CNTNAP5: variants seen among roughly 807,000 people sequenced by gnomAD.
CNTNAP5 encodes contactin-associated protein-like 5.
Under a neutral mutation model 150.2 loss-of-function variants are expected in CNTNAP5, and 72 were observed. The observed-to-expected ratio is 0.48, with a 90% CI of 0.40 to 0.58. CNTNAP5 has a LOEUF of 0.58. Among genes scored for constraint, CNTNAP5 ranks in the 20% least tolerant of loss-of-function variants. CNTNAP5 has a pLI of 0.00. For missense variants in CNTNAP5, 1,636 were observed against 1,626.2 expected (o/e 1.01, Z -0.10); for synonymous variants, 672 against 619.8 (o/e 1.08, Z -1.25).
At chr2:124,855,843 A>G (rs1354199354) in intron 19 of CNTNAP5, among the ~76,000 whole-genome samples, 1 of 152,098 alleles carries the variant, frequency 6.6e-6, no homozygotes, top group Non-Finnish European at 1.5e-5. Context: ...CCCAATTTAT[A>G]GTCTTTTATC....
At chr2:124,334,104 G>A (rs1379901076) in intron 3 of CNTNAP5, among the ~76,000 whole-genome samples, 1 of 152,112 alleles carries the variant, frequency 6.6e-6, no homozygotes, top group African/African-American at 2.4e-5. Flanking sequence ...GGGGCTCCAT[G>A]AGGAAGGCTG....
Position 124,162,825 on chromosome 2 carries a change from G to A in CNTNAP5, c.83-58880G>A, listed in dbSNP as rs116658849. ...AATAATGGCAAGCACATCATAGAAT[G>A]TATTTCAAGGCATGTTTTTTATGCA... On this transcript the variant is annotated intron_variant, in intron 1 of 23. Transcript: ENST00000682447. Among the ~76,000 whole-genome samples, 511 of 150,686 alleles carry A rather than the reference G, an allele frequency of 3.4e-3. 5 individuals are homozygous for A. Among genetic ancestry groups the A allele is most frequent in the African/African-American group, 0.011 (475 of 41,408 alleles).
intron 1 of CNTNAP5, among the ~76,000 whole-genome samples, chr2:124,115,581 G>T (rs999567876): frequency 7.9e-5 from 12 of 151,524 alleles, no homozygotes; most frequent in African/African-American, 2.9e-4. Flanking sequence ...GGTGTAACAC[G>T]ATGAAACTAG....
At chr2:124,577,027 AACGG>A (rs1251446072) in intron 11 of CNTNAP5, among the ~76,000 whole-genome samples, 1 of 152,188 alleles carries the variant, frequency 6.6e-6, no homozygotes, top group African/African-American at 2.4e-5. Context: ...ATGCTCTAGA[AACGG>A]ACTGATAAAT....
At chr2:124,139,233 T>C (rs575658827) in intron 1 of CNTNAP5, among the ~76,000 whole-genome samples, 1 of 150,756 alleles carries the variant, frequency 6.6e-6, no homozygotes, top group Non-Finnish European at 1.5e-5. Context: ...AAATGAAGTA[T>C]TTAATATAAA....
intron 3 of CNTNAP5, among the ~76,000 whole-genome samples, chr2:124,286,906 C>T (rs1056818305): frequency 6.6e-6 from 1 of 152,122 alleles, no homozygotes; most frequent in Non-Finnish European, 1.5e-5. Flanking sequence ...GTAAAGAAGT[C>T]GAGGTCACAA....
At chr2:124,882,457 A>G (rs1208967197) in intron 21 of CNTNAP5, among the ~76,000 whole-genome samples, 1 of 152,128 alleles carries the variant, frequency 6.6e-6, no homozygotes, top group African/African-American at 2.4e-5. Flanking sequence ...TGGAACTTGT[A>G]TTCAAAGGGC....
chr2:124,354,138 C>T (rs970760543), intron 3 of CNTNAP5, among the ~76,000 whole-genome samples: 4 of 152,116 alleles, frequency 2.6e-5, no homozygotes, highest in Non-Finnish European at 4.4e-5. Flanking sequence ...AAACAAAAAA[C>T]ATGGATTAAA....
chr2:124,484,773 G>A (rs1693834640), intron 7 of CNTNAP5, among the ~76,000 whole-genome samples: 2 of 152,136 alleles, frequency 1.3e-5, no homozygotes, highest in South Asian at 4.1e-4. Context: ...ACCCCTTTAA[G>A]AATGTAATGA....
intron 3 of CNTNAP5, among the ~76,000 whole-genome samples, chr2:124,320,331 A>G (rs1322016366): frequency 6.6e-6 from 1 of 152,008 alleles, no homozygotes; most frequent in Non-Finnish European, 1.5e-5. Context: ...CTCATTGTCA[A>G]GGTTCTACTT....
At chr2:124,686,291 G>A (rs1679192012) in intron 13 of CNTNAP5, among the ~76,000 whole-genome samples, 1 of 152,114 alleles carries the variant, frequency 6.6e-6, no homozygotes, top group Non-Finnish European at 1.5e-5. Context: ...TTTTGGAGGA[G>A]TGGAGTAAAG....
At chr2:124,815,426 G>C (rs549915577) in intron 19 of CNTNAP5, among the ~76,000 whole-genome samples, 1 of 152,168 alleles carries the variant, frequency 6.6e-6, no homozygotes, top group Admixed American at 6.5e-5. Context: ...AAAGCTGAAG[G>C]CTTTGTCATG....
At chr2:124,776,932 T>G (rs1485434332) in intron 17 of CNTNAP5, among the ~76,000 whole-genome samples, 2 of 152,172 alleles carry the variant, frequency 1.3e-5, no homozygotes, top group Admixed American at 1.3e-4. Flanking sequence ...AGTTAAATAA[T>G]ATATTAAGTA....
chr2:124,297,810 T>TTTATTA (rs138310065), intron 3 of CNTNAP5, among the ~76,000 whole-genome samples: 67 of 126,386 alleles, frequency 5.3e-4, no homozygotes, highest in East Asian at 9.4e-4. Context: ...CATCCAATTA[T>TTTATTA]TTATTATTAT....
Position 124,399,567 on chromosome 2 carries a change from G to A in CNTNAP5, c.382-17876G>A, listed in dbSNP as rs58760681. On this transcript the variant is annotated intron_variant, in intron 3 of 23. Transcript: ENST00000682447. ...CTGGGGAGGAAATAAGGATGAGCGA[G>A]CATCCTAGATTTATTTAGTCATCAT... Among the ~76,000 whole-genome samples the A allele has an allele frequency of 5.1e-3, 775 of 151,952 alleles. 8 individuals are homozygous for A. The highest frequency in any genetic ancestry group is 0.017 in the African/African-American group (711 of 41,444).
At chr2:124,191,440 A>G (rs1005678094) in intron 1 of CNTNAP5, among the ~76,000 whole-genome samples, 3 of 152,190 alleles carry the variant, frequency 2.0e-5, no homozygotes, top group African/African-American at 7.2e-5. Flanking sequence ...ATTTCTTGCA[A>G]TGAAAGCCTT....
intron 1 of CNTNAP5, among the ~76,000 whole-genome samples, chr2:124,034,489 T>C (rs1237219): frequency 1 from 152,238 of 152,324 alleles, 76,077 homozygotes; most frequent in Non-Finnish European, 1. Context: ...GAGTCTACCT[T>C]CACCTGGCAG....
intron 13 of CNTNAP5, among the ~76,000 whole-genome samples, chr2:124,693,343 T>C (rs973481562): frequency 2.0e-5 from 3 of 152,154 alleles, no homozygotes; most frequent in Admixed American, 1.3e-4. Context: ...TATCACTGCT[T>C]ACCCAGAAGA....
intron 2 of CNTNAP5, among the ~76,000 whole-genome samples, chr2:124,237,607 G>C (rs1686781357): frequency 4.6e-5 from 7 of 152,142 alleles, no homozygotes; most frequent in Admixed American, 4.6e-4. Context: ...GCTGAGATGG[G>C]GGGTGGATCA....
Sources: allele counts gnomAD v4.1 joint callset (sites outside exome capture counted in the v4.1 genomes callset), GRCh38; gene constraint gnomAD v4.1.1; transcripts MANE v1.5; gene names NCBI Gene and HGNC (gene_info 2026-07-23, HGNC 2026-07-21).